HRK: variants seen among roughly 807,000 people sequenced by gnomAD.
HRK encodes the protein activator of apoptosis harakiri.
In HRK, 6 loss-of-function variants were observed where a neutral mutation model predicts 5.9. The ratio of observed to expected loss-of-function variants is 1.02; its 90% CI spans 0.56 to 2.01. The LOEUF (loss-of-function observed/expected upper bound fraction) is 2.01, where lower values mean the gene tolerates loss of function less well. Ranked by LOEUF, HRK falls within the 30% of genes most tolerant of loss-of-function variation. HRK has a pLI of 0.00. For synonymous variants in HRK, 85 were observed against 65.1 expected (o/e 1.31, Z -1.47); for missense variants, 133 against 128.3 (o/e 1.04, Z -0.18).
intron 1 of HRK, among the ~76,000 whole-genome samples, chr12:116,868,740 C>A (rs1012888314): frequency 2.0e-5 from 3 of 152,196 alleles, no homozygotes; most frequent in Non-Finnish European, 2.9e-5. Context: ...GCAAAATAGG[C>A]ATGGCGGTTT....
chr12:116,861,626 CA>C (rs1878372691), intron 1 of HRK, among the ~76,000 whole-genome samples, 160 bp from the exon 2 acceptor site: 1 of 152,062 alleles, frequency 6.6e-6, no homozygotes, highest in South Asian at 2.1e-4. Context: ...AAGGATGCCT[CA>C]AAAGCTAGTC....
At position 116,860,414 on chromosome 12, in the gene HRK, A is replaced by G. The variant is rs780948960; in HGVS notation, c.*1109T>C. The G allele has an allele frequency of 1.3e-5, 2 of 152,190 alleles. No homozygotes were observed. Among genetic ancestry groups the G allele is most frequent in the Non-Finnish European group, 2.9e-5 (2 of 68,046 alleles). The allele number at this position is 152,190 out of a possible 1,614,324, so 9.4% of individuals were successfully genotyped here. A position where few individuals can be genotyped will look rare whatever the true frequency, so the allele number is the denominator to read the frequency against. ...CCACAACATCCCCCGGTTATAAATCATCTTTGAACAGAATGTAGCCATTTC... is the reference window on the plus strand; with the variant it reads ...CCACAACATCCCCCGGTTATAAATCGTCTTTGAACAGAATGTAGCCATTTC... On this transcript the variant is annotated 3_prime_UTR_variant, in exon 2 of 2. Coordinates refer to ENST00000257572, the MANE Select transcript of HRK (RefSeq NM_003806.4).
At chr12:116,873,505 T>C (rs890475399) in intron 1 of HRK, among the ~76,000 whole-genome samples, 2 of 152,084 alleles carry the variant, frequency 1.3e-5, no homozygotes, top group African/African-American at 4.8e-5. Context: ...TCCCGAGTAG[T>C]TGGTAACACA....
In HRK at chr12:116,878,608, G is replaced by A. The variant is rs956793550; in HGVS notation, c.*56+2368C>T. On this transcript the variant is annotated intron_variant, in intron 1 of 1. Transcript: ENST00000257572. This position sits in a 1 kb window ranked among gnomAD's most constrained non-coding sequence, Gnocchi z 4.4. ...CCCGAGCACTGAGAACCCGGCCTGGGAGCGCAGGAAGGCGGGTGGTGAGCA... is the reference window on the plus strand; with the variant it reads ...CCCGAGCACTGAGAACCCGGCCTGGAAGCGCAGGAAGGCGGGTGGTGAGCA... The A allele has an allele frequency of 1.3e-5, 2 of 152,942 alleles. No homozygotes were observed. The highest frequency in any genetic ancestry group is 2.9e-5 in the Non-Finnish European group (2 of 68,540). The allele number at this position is 152,942 out of a possible 1,614,324, so 9.5% of individuals were successfully genotyped here.
intron 1 of HRK, among the ~76,000 whole-genome samples, chr12:116,866,195 G>A (rs1473202195): frequency 7.1e-6 from 1 of 140,606 alleles, no homozygotes; most frequent in Non-Finnish European, 1.5e-5. Flanking sequence ...CGCATCTTCT[G>A]TCTTTGGTTT....
In HRK at chr12:116,879,835, G is replaced by T. The variant is rs1436275294; in HGVS notation, c.*56+1141C>A. ...CAACTTCCCAGGGTGTCTGCGGCGC[G>T]CGGCGGGGCTCGGGGGCGGGGACCT... On this transcript the variant is annotated intron_variant, in intron 1 of 1. Coordinates refer to ENST00000257572, the MANE Select transcript of HRK (RefSeq NM_003806.4). The surrounding 1 kb of genome is among the most constrained non-coding windows in gnomAD (Gnocchi z 5.6). 3.9e-5 allele frequency among the ~76,000 whole-genome samples: 6 copies of T among 152,224 alleles called. No homozygotes were observed. The highest frequency in any genetic ancestry group is 3.3e-4 in the Admixed American group (5 of 15,290).
In HRK at chr12:116,858,031, G is replaced by A. The variant is rs553229970; in HGVS notation, c.*3492C>T. ...CTCGCACCACTGCACTCCAGCCTGG[G>A]TGACAGAGTGAGACTCTGTCTCAAA... On this transcript the variant is annotated 3_prime_UTR_variant, in exon 2 of 2. Transcript: ENST00000257572. 6.6e-6 allele frequency: 1 copy of A among 150,530 alleles called. No homozygotes were observed. Among genetic ancestry groups the A allele is most frequent in the South Asian group, 2.1e-4 (1 of 4,674 alleles). 9.3% of individuals were successfully genotyped at this position (150,530 alleles called of 1,614,324 possible).
At chr12:116,864,648 G>C (rs1180501201) in intron 1 of HRK, among the ~76,000 whole-genome samples, 1 of 152,114 alleles carries the variant, frequency 6.6e-6, no homozygotes, top group Non-Finnish European at 1.5e-5. Context: ...TGATGAGCAG[G>C]GAACTGTATC....
intron 1 of HRK, 97 bp from the exon 2 acceptor site, chr12:116,861,563 G>A (rs1303088105): frequency 6.6e-6 from 1 of 152,250 alleles, no homozygotes; most frequent in Non-Finnish European, 1.5e-5. Flanking sequence ...CGGATGTCGG[G>A]AGGGGGAGGA....
chr12:116,862,591 T>C lies in HRK; in HGVS notation c.*57-1125A>G, dbSNP rs1878403242. Among the ~76,000 whole-genome samples, 1 of 152,176 alleles carries C rather than the reference T, an allele frequency of 6.6e-6. No individual in the cohort carries two copies. The highest frequency in any genetic ancestry group is 2.1e-4 in the South Asian group (1 of 4,826). The stretch of plus-strand genomic sequence containing the variant: ...AGGAGGAATTGGGGAGTGATACTCA[T>C]GCGCATGGGGTTTCTTTCAGGGAAA... On this transcript the variant is annotated intron_variant, in intron 1 of 1. Transcript: ENST00000257572. This position sits in a 1 kb window ranked among gnomAD's most constrained non-coding sequence, Gnocchi z 4.0.
At position 116,879,855 on chromosome 12, in the gene HRK, G is replaced by C. The variant is rs1879078522; in HGVS notation, c.*56+1121C>G. ...GGCGCGCGGCGGGGCTCGGGGGCGG[G>C]GACCTAAGGGCGGCTGGCTATGTCA... is the stretch of plus-strand genomic sequence containing the variant. On this transcript the variant is annotated intron_variant, in intron 1 of 1. Coordinates refer to ENST00000257572, the MANE Select transcript of HRK (RefSeq NM_003806.4). This position sits in a 1 kb window ranked among gnomAD's most constrained non-coding sequence, Gnocchi z 5.6. Among the ~76,000 whole-genome samples the C allele has an allele frequency of 1.3e-5, 2 of 152,206 alleles. No homozygotes were observed. The highest frequency in any genetic ancestry group is 2.9e-5 in the Non-Finnish European group (2 of 68,026).
intron 1 of HRK, among the ~76,000 whole-genome samples, chr12:116,874,418 A>G (rs1388020360): frequency 6.6e-6 from 1 of 152,072 alleles, no homozygotes; most frequent in African/African-American, 2.4e-5. Context: ...GCCTTCCCTC[A>G]TCACCACAGG....
intron 1 of HRK, among the ~76,000 whole-genome samples, chr12:116,874,611 G>T (rs990196006): frequency 6.6e-6 from 1 of 152,144 alleles, no homozygotes; most frequent in South Asian, 2.1e-4. Context: ...GTCTAATTCC[G>T]CCCCACCTTG....
chr12:116,881,032 C>G lies in HRK; in HGVS notation c.276G>C (p.Ter92TyrextTer55). ...GGCCCCACCAAGAAGCCCCGCGTTCCTACAAGTTCCGCCTGCCGAGCAGCC... is the reference window on the plus strand; with the variant it reads ...GGCCCCACCAAGAAGCCCCGCGTTCGTACAAGTTCCGCCTGCCGAGCAGCC... Reference protein sequence around the residue: ...AAWLLGRRNL* With the variant: ...AAWLLGRRNLY The change falls in exon 1 of 2, where the codon TAG becomes TAC. Residue 92 changes from the stop codon to tyrosine, a stop_lost. Coordinates refer to ENST00000257572, the MANE Select transcript of HRK (RefSeq NM_003806.4). The G allele has an allele frequency of 7.4e-7, 1 of 1,345,958 alleles. No homozygotes were observed. The highest frequency in any genetic ancestry group is 9.5e-7 in the Non-Finnish European group (1 of 1,049,712). 83.4% of individuals were successfully genotyped at this position (1,345,958 alleles called of 1,614,324 possible). A position where few individuals can be genotyped will look rare whatever the true frequency, so the allele number is the denominator to read the frequency against.
Position 116,881,322 on chromosome 12 carries a change from C to G in HRK, c.-15G>C. On this transcript the variant is annotated 5_prime_UTR_variant, in exon 1 of 2. Transcript: ENST00000257572. ...CACGGGCACATGACCGCTGGCCTCG[C>G]TCCCGCCCCGCGCTCGGGCCGCCCC... 9.4e-7 allele frequency: 1 copy of G among 1,064,320 alleles called. No homozygotes were observed. Among genetic ancestry groups the G allele is most frequent in the Non-Finnish European group, 1.1e-6 (1 of 882,474 alleles). The allele number at this position is 1,064,320 out of a possible 1,614,324, so 65.9% of individuals were successfully genotyped here. A position where few individuals can be genotyped will look rare whatever the true frequency, so the allele number is the denominator to read the frequency against.
intron 1 of HRK, among the ~76,000 whole-genome samples, chr12:116,872,141 C>T (rs903613030): frequency 6.6e-6 from 1 of 152,162 alleles, no homozygotes; most frequent in African/African-American, 2.4e-5. Context: ...GAGGCCAAGG[C>T]AGGTGGATCA....
Position 116,859,063 on chromosome 12 carries a change from G to A in HRK, c.*2460C>T, listed in dbSNP as rs1878263111. ...GGAAAGGTCAGGATTCGATAAATAC[G>A]TGGTCTCTAATAAAACAGGAGAATA... On this transcript the variant is annotated 3_prime_UTR_variant, in exon 2 of 2. Coordinates refer to ENST00000257572, the MANE Select transcript of HRK (RefSeq NM_003806.4). 6.6e-6 allele frequency: 1 copy of A among 152,186 alleles called. No individual in the cohort carries two copies. Among genetic ancestry groups the A allele is most frequent in the African/African-American group, 2.4e-5 (1 of 41,448 alleles). The allele number at this position is 152,186 out of a possible 1,614,324, so 9.4% of individuals were successfully genotyped here.
At chr12:116,863,949 G>A (rs4766808) in intron 1 of HRK, among the ~76,000 whole-genome samples, 75,362 of 151,910 alleles carry the variant, frequency 0.5, 22,931 homozygotes, top group Admixed American at 0.66. Context: ...CAATCGTCCC[G>A]CATTGGCCTC....
Position 116,862,162 on chromosome 12 carries a change from G to A in HRK, c.*57-696C>T, listed in dbSNP as rs1194466323. On this transcript the variant is annotated intron_variant, in intron 1 of 1. Transcript: ENST00000257572. This position sits in a 1 kb window ranked among gnomAD's most constrained non-coding sequence, Gnocchi z 4.0. ...TGGCAGGCCCCTGCTGACTATTGAA[G>A]AGTGCCAGGAAACTAACCAGGATAA... Among the ~76,000 whole-genome samples the A allele has an allele frequency of 6.6e-6, 1 of 152,172 alleles. No homozygotes were observed. Among genetic ancestry groups the A allele is most frequent in the African/African-American group, 2.4e-5 (1 of 41,438 alleles).
Sources: gnomAD v4.1 joint callset for allele counts (sites outside exome capture counted in the v4.1 genomes callset) on GRCh38, gnomAD v4.1.1 for gene constraint, Gnocchi (gnomAD v3.1) non-coding constraint, MANE v1.5 for transcripts, NCBI Gene and HGNC (gene_info 2026-07-23, HGNC 2026-07-21) for gene names.